Variants in NAPB observed in about 807,000 individuals in gnomAD.
The protein encoded by NAPB is beta-soluble NSF attachment protein.
In NAPB, 26 loss-of-function variants were observed where a neutral mutation model predicts 44.7. The ratio of observed to expected loss-of-function variants is 0.58; its 90% CI spans 0.43 to 0.81. The LOEUF (loss-of-function observed/expected upper bound fraction) is 0.81, where lower values mean the gene tolerates loss of function less well. Among genes scored for constraint, NAPB ranks in the 30% least tolerant of loss-of-function variants. The pLI is 0.00. For missense variants in NAPB, 315 were observed against 356.4 expected (o/e 0.88, Z 0.94); for synonymous variants, 120 against 116.8 (o/e 1.03, Z -0.18).
rs1261562761 is a variant in NAPB at position 23,379,865 on chromosome 20, A to T, written c.735+2T>A. ...TTTCTTCAAAGTTCTAATATTACTT[A>T]CTTTCAATAATTTACATTCTCTTGA... is the stretch of plus-strand genomic sequence containing the variant. On this transcript the variant is annotated splice_donor_variant, in intron 9 of 10. Coordinates refer to ENST00000377026, the MANE Select transcript of NAPB (RefSeq NM_022080.3). LOFTEE classifies it high-confidence loss of function. 6.2e-7 allele frequency: 1 copy of T among 1,603,366 alleles called. No individual in the cohort carries two copies. Among genetic ancestry groups the T allele is most frequent in the Admixed American group, 1.7e-5 (1 of 59,862 alleles).
At chr20:23,392,936 T>C (rs1403005153) in intron 5 of NAPB, among the ~76,000 whole-genome samples, 1 of 152,158 alleles carries the variant, frequency 6.6e-6, no homozygotes, top group African/African-American at 2.4e-5. Context: ...GACACAGCAC[T>C]GCAGGCTCCT....
chr20:23,379,409 T>C, intron 10 of NAPB, 36 bp downstream of exon 10: 1 of 1,520,634 alleles, frequency 6.6e-7, no homozygotes, highest in Non-Finnish European at 8.9e-7. Flanking sequence ...ACTTAAATCT[T>C]CAAATAATGT....
Position 23,402,995 on chromosome 20 carries a change from C to T in NAPB, c.176G>A (p.Ser59Asn), listed in dbSNP as rs1984959392. 6.2e-7 allele frequency: 1 copy of T among 1,613,082 alleles called. No individual in the cohort carries two copies. The highest frequency in any genetic ancestry group is 8.5e-7 in the Non-Finnish European group (1 of 1,179,304). The change falls in exon 2 of 11, where the codon AGT (serine) becomes AAT (asparagine). Residue 59 changes from serine to asparagine, a missense_variant and splice_region_variant. By Grantham distance (46) the Ser-to-Asn change is conservative. Coordinates refer to ENST00000377026, the MANE Select transcript of NAPB (RefSeq NM_022080.3). ...ANMFKMAKNW[S>N]AAGNAFCQAA... ...GCAAACAAAAACTTTGTACATACCA[C>T]TCCAATTTTTAGCCATCTTGAACAT...
At chr20:23,380,453 C>T (rs1016298378) in intron 8 of NAPB, among the ~76,000 whole-genome samples, 4 of 152,098 alleles carry the variant, frequency 2.6e-5, no homozygotes, top group Non-Finnish European at 4.4e-5. Flanking sequence ...CTGAGCTTGC[C>T]TGTTGTTTTG....
chr20:23,399,466 C>A (rs1568613889), intron 2 of NAPB, among the ~76,000 whole-genome samples: 1 of 152,240 alleles, frequency 6.6e-6, no homozygotes, highest in Non-Finnish European at 1.5e-5. Context: ...AATACGGGAT[C>A]TGCTGGCACC....
rs1982439792 is a variant in NAPB at position 23,375,503 on chromosome 20, TATA to T, written c.*1870_*1872del. On this transcript the variant is annotated 3_prime_UTR_variant, in exon 11 of 11. Coordinates refer to ENST00000377026, the MANE Select transcript of NAPB (RefSeq NM_022080.3). ...AAAGTGCATTTGGCTGGTTGTAGGA[TATA>T]TTATTAGGTGGGGAAACAAAACCCC... The T allele has an allele frequency of 2.1e-5, 3 of 139,750 alleles. No homozygotes were observed. Among genetic ancestry groups the T allele is most frequent in the Admixed American group, 7.5e-5 (1 of 13,320 alleles). The allele number at this position is 139,750 out of a possible 1,614,324, so 8.7% of individuals were successfully genotyped here.
chr20:23,381,240 G>A lies in NAPB; in HGVS notation c.639C>T (p.His213=). The change falls in exon 8 of 11, where the codon CAC becomes CAT. Residue 213 remains histidine (H), a synonymous_variant. Coordinates refer to ENST00000377026, the MANE Select transcript of NAPB (RefSeq NM_022080.3). ...KDYFFKAALC[H]FIVDELNAKL... is the part of the protein sequence containing the mutation. ...TGGCATTCAACTCGTCTACTATGAA[G>A]TGGCAGAGGGCAGCTTTGAAGAAGT... 1 of 1,613,562 alleles carries A rather than the reference G, an allele frequency of 6.2e-7. No individual in the cohort carries two copies. The highest frequency in any genetic ancestry group is 8.5e-7 in the Non-Finnish European group (1 of 1,179,732).
Position 23,397,069 on chromosome 20 carries a change from T to G in NAPB, c.295+3A>C. On this transcript the variant is annotated splice_donor_region_variant and intron_variant, in intron 3 of 10. Transcript: ENST00000377026. ...TAGCATGCTACATGCCTGGCTGTCT[T>G]ACCTTGGGGATCTGCCTTTTTGTAA... The G allele has an allele frequency of 6.2e-7, 1 of 1,612,406 alleles. No individual in the cohort carries two copies. The highest frequency in any genetic ancestry group is 8.5e-7 in the Non-Finnish European group (1 of 1,178,644).
chr20:23,406,092 G>C (rs1217121424), intron 1 of NAPB, among the ~76,000 whole-genome samples: 1 of 152,102 alleles, frequency 6.6e-6, no homozygotes, highest in Non-Finnish European at 1.5e-5. Flanking sequence ...CATTTTCTCT[G>C]GTTCTCTTCT....
chr20:23,418,205 T>A (rs962421522), intron 1 of NAPB, among the ~76,000 whole-genome samples: 1 of 152,238 alleles, frequency 6.6e-6, no homozygotes, highest in Non-Finnish European at 1.5e-5. Context: ...CAAGTCAGTA[T>A]GTGTGTTTTA....
chr20:23,418,652 A>G (rs1186685048), intron 1 of NAPB, among the ~76,000 whole-genome samples: 2 of 152,082 alleles, frequency 1.3e-5, no homozygotes, highest in African/African-American at 2.4e-5. Flanking sequence ...TAAAAGATCA[A>G]TGAGGCTGGG....
chr20:23,384,277 G>A (rs1404663951), intron 7 of NAPB, among the ~76,000 whole-genome samples: 1 of 152,184 alleles, frequency 6.6e-6, no homozygotes, highest in African/African-American at 2.4e-5. Flanking sequence ...GGAAAATCAA[G>A]TAGGCTGGGT....
In NAPB at chr20:23,376,752, T is replaced by G. The variant is rs1379874899; in HGVS notation, c.*624A>C. 1.3e-5 allele frequency: 2 copies of G among 152,206 alleles called. No homozygotes were observed. The highest frequency in any genetic ancestry group is 4.8e-5 in the African/African-American group (2 of 41,438). The allele number at this position is 152,206 out of a possible 1,614,324, so 9.4% of individuals were successfully genotyped here. On this transcript the variant is annotated 3_prime_UTR_variant, in exon 11 of 11. Coordinates refer to ENST00000377026, the MANE Select transcript of NAPB (RefSeq NM_022080.3). ...GACACTCATCCATACATGAAGCAAGTACTTCCAGAAAGCTCCCTTCCTCAC... is the reference window on the plus strand; with the variant it reads ...GACACTCATCCATACATGAAGCAAGGACTTCCAGAAAGCTCCCTTCCTCAC...
At chr20:23,390,568 T>A (rs1414457526) in intron 5 of NAPB, among the ~76,000 whole-genome samples, 1 of 152,220 alleles carries the variant, frequency 6.6e-6, no homozygotes, top group Non-Finnish European at 1.5e-5. Context: ...AACAGACATG[T>A]TGGGGGCCAC....
At chr20:23,382,674 AC>A (rs747833417) in intron 7 of NAPB, among the ~76,000 whole-genome samples, 10 of 152,078 alleles carry the variant, frequency 6.6e-5, no homozygotes, top group Non-Finnish European at 1.3e-4. Context: ...ACAGTACCAT[AC>A]ATAAAAAGTG....
chr20:23,391,384 G>A (rs1983947183), intron 5 of NAPB, among the ~76,000 whole-genome samples: 1 of 152,184 alleles, frequency 6.6e-6, no homozygotes, highest in Non-Finnish European at 1.5e-5. Context: ...AGAAGAGTCA[G>A]ATGATAGTGT....
chr20:23,391,521 AATAACAAGAG>A (rs1173591200), intron 5 of NAPB, among the ~76,000 whole-genome samples: 1 of 152,148 alleles, frequency 6.6e-6, no homozygotes, highest in African/African-American at 2.4e-5. Context: ...CTATACCCCA[AATAACAAGAG>A]ATAAGTATGA....
rs1982621981 is a variant in NAPB at position 23,377,593 on chromosome 20, T to A, written c.787-107A>T. The A allele has an allele frequency of 1.0e-5, 5 of 499,414 alleles. No homozygotes were observed. In the Admixed American group the frequency reaches 1.3e-4, roughly 13 times the overall value. 30.9% of individuals were successfully genotyped at this position (499,414 alleles called of 1,614,324 possible). On this transcript the variant is annotated intron_variant, in intron 10 of 10. Coordinates refer to ENST00000377026, the MANE Select transcript of NAPB (RefSeq NM_022080.3). ...ACCTTTACAGCCATAATCTACTAAC[T>A]TTCTTCATCATTTGAAATTAATCAT...
At chr20:23,389,016 A>G (rs746870197) in intron 7 of NAPB, among the ~76,000 whole-genome samples, 11 of 152,148 alleles carry the variant, frequency 7.2e-5, no homozygotes, top group Non-Finnish European at 1.2e-4. Context: ...TAGGGGATTA[A>G]TATCCAGAAT....
Sources: allele counts gnomAD v4.1 joint callset (sites outside exome capture counted in the v4.1 genomes callset), GRCh38; gene constraint gnomAD v4.1.1; transcripts MANE v1.5; gene names NCBI Gene and HGNC (gene_info 2026-07-23, HGNC 2026-07-21).